Variants in LRCH3 observed in about 807,000 individuals in gnomAD.
The protein encoded by LRCH3 is DISP complex protein LRCH3.
A neutral mutation model predicts 104.5 loss-of-function variants in LRCH3; 68 were observed. That is an observed-to-expected ratio of 0.65 (90% CI 0.54 to 0.80). The LOEUF (loss-of-function observed/expected upper bound fraction) is 0.80. LRCH3 is among the 30% of genes least tolerant of loss of function. The probability of loss-of-function intolerance (pLI) is 0.00; values close to 1 mark genes in which losing one functional copy is unlikely to be tolerated. For missense variants in LRCH3, 951 were observed against 953.9 expected (o/e 1.00, Z 0.04); for synonymous variants, 344 against 361.3 (o/e 0.95, Z 0.54).
At chr3:197,870,371 T>C in intron 18 of LRCH3, 93 bp downstream of exon 18, 5 of 1,273,384 alleles carry the variant, frequency 3.9e-6, no homozygotes, top group Non-Finnish European at 5.4e-6. Context: ...ATCATTTTTA[T>C]TTATTTTTTT....
chr3:197,822,749 T>A (rs997318096), intron 4 of LRCH3: 1 of 152,096 alleles, frequency 6.6e-6, no homozygotes, highest in Admixed American at 6.5e-5. Context: ...TGATTTAAAA[T>A]TAATTTTTAC....
In LRCH3 at chr3:197,883,907, A is replaced by C; in HGVS notation, c.*241A>C. On this transcript the variant is annotated 3_prime_UTR_variant, in exon 21 of 21. Coordinates refer to ENST00000425562, the MANE Select transcript of LRCH3 (RefSeq NM_001365715.1). The surrounding 1 kb of genome is among the most constrained non-coding windows in gnomAD (Gnocchi z 4.2). The stretch of plus-strand genomic sequence containing the variant: ...TCAGATGAAACTTCTCTTACTGAAA[A>C]CCCAGCACCTAACTTGGCTGTGTTT... 1 of 403,790 alleles carries C rather than the reference A, an allele frequency of 2.5e-6. No homozygotes were observed. The highest frequency in any genetic ancestry group is 4.3e-6 in the Non-Finnish European group (1 of 231,532). The allele number at this position is 403,790 out of a possible 1,614,324, so 25.0% of individuals were successfully genotyped here.
At position 197,883,162 on chromosome 3, in the gene LRCH3, C is replaced by T. The variant is rs1407517552; in HGVS notation, c.2209-379C>T. The T allele has an allele frequency of 4.0e-6, 4 of 991,430 alleles. No individual in the cohort carries two copies. Among genetic ancestry groups the T allele is most frequent in the African/African-American group, 1.7e-5 (1 of 57,308 alleles). 61.4% of individuals were successfully genotyped at this position (991,430 alleles called of 1,614,324 possible). A position where few individuals can be genotyped will look rare whatever the true frequency, so the allele number is the denominator to read the frequency against. On this transcript the variant is annotated intron_variant, in intron 20 of 20. Transcript: ENST00000425562. This position sits in a 1 kb window ranked among gnomAD's most constrained non-coding sequence, Gnocchi z 4.2. ...CTTTTACTCTTGAGCCATCTGGTAG[C>T]GTGGAATTGTTTTTCTATTTTTCAC... is the stretch of plus-strand genomic sequence containing the variant.
In LRCH3 at chr3:197,824,718, C is replaced by T. The variant is rs1479413977; in HGVS notation, c.641-2160C>T. 2.1e-4 allele frequency among the ~76,000 whole-genome samples: 31 copies of T among 151,084 alleles called. 1 individual carries two copies. The East Asian group carries it at 6.1e-3, about 30-fold the overall frequency. Reference sequence around the variant, plus strand: ...TCCCAAGTAGCTGGGATTATAGGAGCCCGCCACCACGCCTGGCTAACTTTT... The same window carrying T: ...TCCCAAGTAGCTGGGATTATAGGAGTCCGCCACCACGCCTGGCTAACTTTT... On this transcript the variant is annotated intron_variant, in intron 4 of 20. Coordinates refer to ENST00000425562, the MANE Select transcript of LRCH3 (RefSeq NM_001365715.1).
At chr3:197,850,169 C>G (rs1739370726) in intron 12 of LRCH3, among the ~76,000 whole-genome samples, 1 of 152,046 alleles carries the variant, frequency 6.6e-6, no homozygotes, top group African/African-American at 2.4e-5. Flanking sequence ...ATGGCACTTG[C>G]AGGAAACACC....
intron 10 of LRCH3, among the ~76,000 whole-genome samples, chr3:197,845,961 G>A (rs1738621108): frequency 6.6e-6 from 1 of 152,112 alleles, no homozygotes; most frequent in African/African-American, 2.4e-5. Flanking sequence ...TCAGGTTAGG[G>A]CACATAAACA....
At position 197,826,633 on chromosome 3, in the gene LRCH3, A is replaced by G. The variant is rs556348668; in HGVS notation, c.641-245A>G. On this transcript the variant is annotated intron_variant, in intron 4 of 20. Transcript: ENST00000425562. ...GGTATCAGGGCCTCCAGCTTCTGAGACTTTCTGTAGTTCTGAGCGGGTCAA... is the reference window on the plus strand; with the variant it reads ...GGTATCAGGGCCTCCAGCTTCTGAGGCTTTCTGTAGTTCTGAGCGGGTCAA... 2.6e-5 allele frequency among the ~76,000 whole-genome samples: 4 copies of G among 152,216 alleles called. No individual in the cohort carries two copies. In the South Asian group the frequency reaches 8.3e-4, roughly 32 times the overall value.
At chr3:197,862,255 C>T (rs1740971317) in intron 15 of LRCH3, among the ~76,000 whole-genome samples, 1 of 151,602 alleles carries the variant, frequency 6.6e-6, no homozygotes, top group Admixed American at 6.6e-5. Flanking sequence ...CTCTGCCTCC[C>T]GAAGTGCTGG....
chr3:197,853,055 AAAAT>A (rs1220490309), intron 13 of LRCH3, among the ~76,000 whole-genome samples: 3 of 151,238 alleles, frequency 2.0e-5, no homozygotes, highest in East Asian at 2.0e-4. Context: ...AGATTAACAG[AAAAT>A]AAATCACTTA....
chr3:197,822,301 C>T (rs1209995721), intron 4 of LRCH3, among the ~76,000 whole-genome samples: 6 of 152,106 alleles, frequency 3.9e-5, no homozygotes, highest in African/African-American at 1.4e-4. Context: ...AAATCATGAC[C>T]TCTAGGACCT....
chr3:197,808,669 T>C (rs7632723), intron 1 of LRCH3, among the ~76,000 whole-genome samples: 2 of 152,314 alleles, frequency 1.3e-5, no homozygotes, highest in African/African-American at 4.8e-5. Flanking sequence ...TGAAACACTT[T>C]GGGAGGCCGA....
In LRCH3 at chr3:197,830,847, G is replaced by A; in HGVS notation, c.965G>A (p.Arg322Lys). The part of the protein sequence containing the change: ...GFNSVDSGDK[R>K]WSGNEPTDEF... ...AATAGTGTGGACAGTGGTGATAAGA[G>A]ATGGTCAGGGAATGAAGTAAGTGTT... is the stretch of plus-strand genomic sequence containing the variant. The change falls in exon 7 of 21, where the codon AGA (arginine) becomes AAA (lysine). Residue 322 changes from arginine to lysine, a missense_variant. Arg to Lys is a conservative substitution (Grantham distance 26). Coordinates refer to ENST00000425562, the MANE Select transcript of LRCH3 (RefSeq NM_001365715.1). 3.1e-6 allele frequency: 5 copies of A among 1,613,756 alleles called. No individual in the cohort carries two copies. The highest frequency in any genetic ancestry group is 4.2e-6 in the Non-Finnish European group (5 of 1,179,680).
chr3:197,857,719 G>GC (rs1384862895), intron 14 of LRCH3, among the ~76,000 whole-genome samples: 1 of 152,106 alleles, frequency 6.6e-6, no homozygotes, highest in East Asian at 1.9e-4. Context: ...TAAAAAGCAG[G>GC]CCCAGGAAAT....
chr3:197,883,145 CT>C lies in LRCH3; in HGVS notation c.2209-394del. ...ACCCTCAAGTGTAGTATCTTTTACT[CT>C]TGAGCCATCTGGTAGCGTGGAATTG... is the stretch of plus-strand genomic sequence containing the variant. On this transcript the variant is annotated intron_variant, in intron 20 of 20. Transcript: ENST00000425562. This position sits in a 1 kb window ranked among gnomAD's most constrained non-coding sequence, Gnocchi z 4.2. The C allele has an allele frequency of 1.0e-6, 1 of 988,938 alleles. No homozygotes were observed. The highest frequency in any genetic ancestry group is 1.2e-6 in the Non-Finnish European group (1 of 832,360). The allele number at this position is 988,938 out of a possible 1,614,324, so 61.3% of individuals were successfully genotyped here.
chr3:197,810,235 C>T lies in LRCH3; in HGVS notation c.263-4673C>T, dbSNP rs151102665. On this transcript the variant is annotated intron_variant, in intron 1 of 20. Coordinates refer to ENST00000425562, the MANE Select transcript of LRCH3 (RefSeq NM_001365715.1). The surrounding 1 kb of genome is among the most constrained non-coding windows in gnomAD (Gnocchi z 4.0). ...TCAGTGGCACGATCTTGGCTCACTG[C>T]AGCCTCCGCCTCCTGGGTTCAAAGG... 0.011 allele frequency among the ~76,000 whole-genome samples: 1,649 copies of T among 152,320 alleles called. 26 individuals carry two copies. Among genetic ancestry groups the T allele is most frequent in the African/African-American group, 0.038 (1,559 of 41,556 alleles).
At chr3:197,822,961 C>G (rs1734660747) in intron 4 of LRCH3, 1 of 151,692 alleles carries the variant, frequency 6.6e-6, no homozygotes, top group Admixed American at 6.6e-5. Flanking sequence ...AGGCACACAC[C>G]ACCACACCCA....
intron 18 of LRCH3, 151 bp downstream of exon 18, chr3:197,870,429 G>A: frequency 1.4e-6 from 1 of 711,302 alleles, no homozygotes; most frequent in Admixed American, 2.9e-5. Context: ...TCAGTGGCAT[G>A]ATCCTGGCTC....
intron 1 of LRCH3, among the ~76,000 whole-genome samples, chr3:197,798,775 A>G (rs1234502928): frequency 6.6e-6 from 1 of 152,204 alleles, no homozygotes; most frequent in Non-Finnish European, 1.5e-5. Context: ...TATATGCACT[A>G]TGAATTTTTC....
chr3:197,872,027 T>G (rs1338495835), intron 19 of LRCH3, among the ~76,000 whole-genome samples: 3 of 152,056 alleles, frequency 2.0e-5, no homozygotes, highest in Admixed American at 6.5e-5. Context: ...TACACTGAAT[T>G]AAAGAGGGAA....
Sources: allele counts gnomAD v4.1 joint callset (sites outside exome capture counted in the v4.1 genomes callset), GRCh38; gene constraint gnomAD v4.1.1; non-coding constraint Gnocchi (gnomAD v3.1); transcripts MANE v1.5; gene names NCBI Gene and HGNC (gene_info 2026-07-23, HGNC 2026-07-21).